The following ADCK1 variants were observed in gnomAD, a reference collection of about 807,000 sequenced individuals.
ADCK1 encodes aarF domain-containing protein kinase 1.
A neutral mutation model predicts 52.3 loss-of-function variants in ADCK1; 41 were observed. That is an observed-to-expected ratio of 0.78 (90% CI 0.61 to 1.02). The LOEUF is 1.02. ADCK1 is among the 50% of genes least tolerant of loss of function. The pLI, the probability that ADCK1 is intolerant of heterozygous loss-of-function variation, is 0.00. For synonymous variants in ADCK1, 250 were observed against 274.6 expected, an observed-to-expected ratio of 0.91 and a Z score of 0.89; for missense variants, 658 against 679.5, an observed-to-expected ratio of 0.97 and a Z score of 0.35.
intron 4 of ADCK1, among the ~76,000 whole-genome samples, chr14:77,862,062 G>C (rs1006057160): frequency 6.6e-6 from 1 of 152,212 alleles, no homozygotes; most frequent in African/African-American, 2.4e-5. Flanking sequence ...TAATTCCCAG[G>C]CTGGTGATTC....
chr14:77,880,493 A>C (rs925335697), intron 4 of ADCK1, among the ~76,000 whole-genome samples: 3 of 152,210 alleles, frequency 2.0e-5, no homozygotes, highest in Non-Finnish European at 4.4e-5. Context: ...CGTGTCCTTG[A>C]GCTGTTATTG....
chr14:77,852,675 A>ATTTATATATATATATATAT lies in ADCK1; in HGVS notation c.220-6400_220-6399insTTATATATATATATATATT, dbSNP rs1400469309. Among the ~76,000 whole-genome samples, 5 of 42,126 alleles carry ATTTATATATATATATATAT rather than the reference A, an allele frequency of 1.2e-4. No homozygotes were observed. In the South Asian group the frequency reaches 2.3e-3, roughly 19 times the overall value. The allele number at this position is 42,126 out of a possible 152,430, so 27.6% of individuals were successfully genotyped here. A position where few individuals can be genotyped will look rare whatever the true frequency, so the allele number is the denominator to read the frequency against. On this transcript the variant is annotated intron_variant, in intron 3 of 10. Transcript: ENST00000238561. ...TAAATAAATAAATATATATATATAT[A>ATTTATATATATATATATAT]TATATATATATATATATATATATAT... is the stretch of plus-strand genomic sequence containing the variant.
chr14:77,872,518 T>C (rs1289522981), intron 4 of ADCK1, among the ~76,000 whole-genome samples: 1 of 151,732 alleles, frequency 6.6e-6, no homozygotes, highest in Non-Finnish European at 1.5e-5. Flanking sequence ...GGTGTTAGGC[T>C]CTTCCCTGTC....
At chr14:77,894,656 C>G (rs2083360243) in intron 5 of ADCK1, among the ~76,000 whole-genome samples, 2 of 150,474 alleles carry the variant, frequency 1.3e-5, no homozygotes, top group Non-Finnish European at 3.0e-5. Context: ...GTAGTAGGAA[C>G]TAAATAATGA....
At chr14:77,867,596 C>T (rs542440427) in intron 4 of ADCK1, among the ~76,000 whole-genome samples, 5 of 152,260 alleles carry the variant, frequency 3.3e-5, no homozygotes, top group South Asian at 2.1e-4. Context: ...GCTGTCAGCA[C>T]GGACGGATGG....
chr14:77,887,779 A>G (rs974247031), intron 5 of ADCK1, among the ~76,000 whole-genome samples: 2 of 152,174 alleles, frequency 1.3e-5, no homozygotes, highest in African/African-American at 2.4e-5. Context: ...CCCTTAGTGG[A>G]CTTTTCTAGC....
At chr14:77,847,137 C>A (rs969719732) in intron 3 of ADCK1, among the ~76,000 whole-genome samples, 2 of 152,068 alleles carry the variant, frequency 1.3e-5, no homozygotes, top group Non-Finnish European at 2.9e-5. Context: ...TATGGAGATG[C>A]TATGCAAGGG....
chr14:77,858,292 C>T (rs1331499006), intron 3 of ADCK1, among the ~76,000 whole-genome samples: 1 of 152,170 alleles, frequency 6.6e-6, no homozygotes, highest in African/African-American at 2.4e-5. Flanking sequence ...GGCTAGAGTG[C>T]AGTGGTATGA....
intron 5 of ADCK1, among the ~76,000 whole-genome samples, chr14:77,897,654 G>A (rs566806241): frequency 4.6e-5 from 7 of 152,170 alleles, no homozygotes; most frequent in Admixed American, 6.5e-5. Flanking sequence ...GTCTCCTCTC[G>A]TCTTATCCAG....
chr14:77,908,041 C>T, intron 7 of ADCK1, 122 bp downstream of exon 7: 1 of 736,768 alleles, frequency 1.4e-6, no homozygotes, highest in Non-Finnish European at 2.3e-6. Context: ...TAATAGGGCC[C>T]ATTGTCTGGA....
At chr14:77,871,110 C>T (rs1378767108) in intron 4 of ADCK1, among the ~76,000 whole-genome samples, 2 of 152,182 alleles carry the variant, frequency 1.3e-5, no homozygotes, top group African/African-American at 4.8e-5. Flanking sequence ...TTTGGGCTTT[C>T]CTAAAAACAA....
chr14:77,892,228 G>A lies in ADCK1; in HGVS notation c.582+4979G>A, dbSNP rs76031818. 6.4e-4 allele frequency among the ~76,000 whole-genome samples: 97 copies of A among 152,210 alleles called. 1 individual carries two copies. In the East Asian group the frequency reaches 0.015, roughly 23 times the overall value. On this transcript the variant is annotated intron_variant, in intron 5 of 10. Transcript: ENST00000238561. Reference sequence around the variant, plus strand: ...TGATAGGCTTAACCTCTTTATATTTGCATCTTAAGAGGTGACCTTCTACAC... The same window carrying A: ...TGATAGGCTTAACCTCTTTATATTTACATCTTAAGAGGTGACCTTCTACAC...
intron 3 of ADCK1, among the ~76,000 whole-genome samples, chr14:77,825,807 G>A (rs1270729693): frequency 2.6e-5 from 4 of 151,996 alleles, no homozygotes; most frequent in Non-Finnish European, 5.9e-5. Flanking sequence ...TAGTTTTTAT[G>A]GAGGATCTCA....
intron 7 of ADCK1, among the ~76,000 whole-genome samples, chr14:77,917,877 G>T (rs2083961956): frequency 6.6e-6 from 1 of 152,154 alleles, no homozygotes; most frequent in African/African-American, 2.4e-5. Flanking sequence ...TGTCTTTGGT[G>T]CAGTCTCTGT....
chr14:77,811,176 G>A (rs573472704), intron 1 of ADCK1, among the ~76,000 whole-genome samples: 1 of 151,800 alleles, frequency 6.6e-6, no homozygotes, highest in East Asian at 1.9e-4. Context: ...GATAGGCAGG[G>A]GAGCATTTGT....
intron 7 of ADCK1, among the ~76,000 whole-genome samples, chr14:77,919,698 C>T (rs2084005372): frequency 6.6e-6 from 1 of 152,218 alleles, no homozygotes; most frequent in South Asian, 2.1e-4. Context: ...TACATTCCCA[C>T]CAGCAGTGTA....
chr14:77,814,115 G>A (rs2081391774), intron 1 of ADCK1, among the ~76,000 whole-genome samples: 1 of 150,620 alleles, frequency 6.6e-6, no homozygotes, highest in East Asian at 2.0e-4. Context: ...GTCTCACTCT[G>A]TCATTGAGGC....
chr14:77,886,760 A>G (rs934065670), intron 4 of ADCK1, among the ~76,000 whole-genome samples: 6 of 152,034 alleles, frequency 3.9e-5, no homozygotes, highest in African/African-American at 1.4e-4. Flanking sequence ...TACAAAGATT[A>G]GCTGGGTGTG....
chr14:77,801,355 C>T (rs757866786), intron 1 of ADCK1, among the ~76,000 whole-genome samples: 12 of 152,162 alleles, frequency 7.9e-5, no homozygotes, highest in Non-Finnish European at 1.2e-4. Flanking sequence ...CACCTGGTTA[C>T]GGGTCTTTCT....
Sources: allele counts gnomAD v4.1 joint callset (sites outside exome capture counted in the v4.1 genomes callset), GRCh38; gene constraint gnomAD v4.1.1; transcripts MANE v1.5; gene names NCBI Gene and HGNC (gene_info 2026-07-23, HGNC 2026-07-21).